PIGK: variants seen among roughly 807,000 people sequenced by gnomAD.
PIGK encodes GPI-anchor transamidase.
In PIGK, 42 loss-of-function variants were observed where a neutral mutation model predicts 50.6. The observed-to-expected ratio is 0.83, with a 90% CI of 0.65 to 1.07. The LOEUF is 1.07. PIGK is among the 50% of genes least tolerant of loss of function. The pLI is 0.00. For missense variants in PIGK, 448 were observed against 488.7 expected, an observed-to-expected ratio of 0.92 and a Z score of 0.78; for synonymous variants, 151 against 156.0, an observed-to-expected ratio of 0.97 and a Z score of 0.24.
At chr1:77,099,904 G>A (rs559758045) in intron 10 of PIGK, among the ~76,000 whole-genome samples, 194 of 152,174 alleles carry the variant, frequency 1.3e-3, no homozygotes, top group Non-Finnish European at 2.2e-3. Context: ...GGTGAAAAGC[G>A]TACATAAAAC....
rs558426481 is a variant in PIGK, at chr1:77,109,639, C to T, written c.1071+12636G>A. Among the ~76,000 whole-genome samples the T allele has an allele frequency of 2.1e-3, 322 of 152,208 alleles. 2 individuals carry two copies. The highest frequency in any genetic ancestry group is 7.5e-3 in the African/African-American group (310 of 41,536). On this transcript the variant is annotated intron_variant, in intron 10 of 10. Coordinates refer to ENST00000370812, the MANE Select transcript of PIGK (RefSeq NM_005482.3). ...AATAATAAGAGCTATTTATGACAAACCCACAGCCAATATCATACTGAATGG... is the reference window on the plus strand; with the variant it reads ...AATAATAAGAGCTATTTATGACAAATCCACAGCCAATATCATACTGAATGG...
At chr1:77,132,859 C>T (rs1168111066) in intron 9 of PIGK, among the ~76,000 whole-genome samples, 1 of 151,994 alleles carries the variant, frequency 6.6e-6, no homozygotes, top group Non-Finnish European at 1.5e-5. Flanking sequence ...TTAAACATGT[C>T]ATTCTATTGT....
chr1:77,182,014 C>T (rs1375225507), intron 3 of PIGK, among the ~76,000 whole-genome samples: 2 of 152,002 alleles, frequency 1.3e-5, no homozygotes, highest in Non-Finnish European at 1.5e-5. Flanking sequence ...TAGCATTCTT[C>T]GATACATGAT....
At position 77,129,380 on chromosome 1, in the gene PIGK, A is replaced by T. The variant is rs1421130070; in HGVS notation, c.987-7021T>A. 9 of 1,570,998 alleles carry T rather than the reference A, an allele frequency of 5.7e-6. No homozygotes were observed. In the East Asian group the frequency reaches 1.1e-4, roughly 20 times the overall value. On this transcript the variant is annotated intron_variant, in intron 9 of 10. Transcript: ENST00000370812. The stretch of plus-strand genomic sequence containing the variant: ...GTCGGTGGCCCAAAAAGAGTGCTGA[A>T]TTTTTGCTGCACATGCTTAAAAACA...
At chr1:77,109,280 A>T (rs1323746636) in intron 10 of PIGK, among the ~76,000 whole-genome samples, 1 of 152,216 alleles carries the variant, frequency 6.6e-6, no homozygotes, top group African/African-American at 2.4e-5. Flanking sequence ...TCATCCTGAT[A>T]CCAAAGCCTG....
chr1:77,110,993 G>C lies in PIGK; in HGVS notation c.1071+11282C>G, dbSNP rs12143330. ...AAAGAAGATATTTATGCAGCCAAAA[G>C]ACACATGAAAAAATGCTCATCATCA... On this transcript the variant is annotated intron_variant, in intron 10 of 10. Coordinates refer to ENST00000370812, the MANE Select transcript of PIGK (RefSeq NM_005482.3). 5.0e-4 allele frequency among the ~76,000 whole-genome samples: 76 copies of C among 152,014 alleles called. 1 individual carries two copies. Among genetic ancestry groups the C allele is most frequent in the African/African-American group, 1.7e-3 (69 of 41,494 alleles).
Position 77,130,262 on chromosome 1 carries a change from A to G in PIGK, c.987-7903T>C, listed in dbSNP as rs1654339739. Among the ~76,000 whole-genome samples, 5 of 76,768 alleles carry G rather than the reference A, an allele frequency of 6.5e-5. No homozygotes were observed. In the South Asian group the frequency reaches 2.6e-3, roughly 39 times the overall value. 50.4% of individuals were successfully genotyped at this position (76,768 alleles called of 152,430 possible). A position where few individuals can be genotyped will look rare whatever the true frequency, so the allele number is the denominator to read the frequency against. The stretch of plus-strand genomic sequence containing the variant: ...TGACAATCTTTTTCTATTAGCTGTG[A>G]TTTGGGTAGTGTGACACCTTTCCCT... On this transcript the variant is annotated intron_variant, in intron 9 of 10. Transcript: ENST00000370812.
intron 10 of PIGK, among the ~76,000 whole-genome samples, chr1:77,121,334 T>C (rs2134351): frequency 0.66 from 100,480 of 151,930 alleles, 33,922 homozygotes; most frequent in African/African-American, 0.81. Flanking sequence ...CCCAAAGGTG[T>C]AAATTTCTGA....
chr1:77,212,188 TTAAAA>T lies in PIGK; in HGVS notation c.94-1704_94-1700del, dbSNP rs1275581025. Among the ~76,000 whole-genome samples the T allele has an allele frequency of 3.9e-5, 6 of 152,190 alleles. No homozygotes were observed. In the East Asian group the frequency reaches 1.2e-3, roughly 29 times the overall value. On this transcript the variant is annotated intron_variant, in intron 1 of 10. Transcript: ENST00000370812. ...TAATGAACATGATTTTGATTATATATTAAAATAATAGTGGATATAAGCCATACTGA... is the reference window on the plus strand; with the variant it reads ...TAATGAACATGATTTTGATTATATATTAATAGTGGATATAAGCCATACTGA...
In PIGK at chr1:77,121,326, CAAAG is replaced by C. The variant is rs1395573373; in HGVS notation, c.1071+945_1071+948del. ...GATTACCAAGCACAGACGAGCTTCC[CAAAG>C]GTGTAAATTTCTGATCATTTTTTGT... On this transcript the variant is annotated intron_variant, in intron 10 of 10. Coordinates refer to ENST00000370812, the MANE Select transcript of PIGK (RefSeq NM_005482.3). 2.6e-5 allele frequency among the ~76,000 whole-genome samples: 4 copies of C among 152,154 alleles called. No homozygotes were observed. The East Asian group carries it at 7.7e-4, about 29-fold the overall frequency.
chr1:77,130,784 AGTT>A (rs1159330700), intron 9 of PIGK, among the ~76,000 whole-genome samples: 1 of 152,180 alleles, frequency 6.6e-6, no homozygotes, highest in Admixed American at 6.5e-5. Context: ...ATGTAGTAAT[AGTT>A]AAGAGAGCAT....
At chr1:77,115,452 T>C (rs1653939383) in intron 10 of PIGK, among the ~76,000 whole-genome samples, 1 of 151,952 alleles carries the variant, frequency 6.6e-6, no homozygotes, top group Non-Finnish European at 1.5e-5. Context: ...TTTTTTTTTT[T>C]AGCATCACAA....
At chr1:77,210,875 T>C (rs1004984344) in intron 1 of PIGK, among the ~76,000 whole-genome samples, 2 of 152,090 alleles carry the variant, frequency 1.3e-5, no homozygotes, top group Non-Finnish European at 2.9e-5. Context: ...GTGCAAGAGC[T>C]TCTGCTTTAA....
At chr1:77,191,354 T>C (rs1447455309) in intron 3 of PIGK, among the ~76,000 whole-genome samples, 1 of 152,224 alleles carries the variant, frequency 6.6e-6, no homozygotes, top group Admixed American at 6.5e-5. Context: ...AACAGAAATT[T>C]TACTTTTGTT....
At chr1:77,174,687 T>G (rs972298059) in intron 3 of PIGK, among the ~76,000 whole-genome samples, 2 of 152,148 alleles carry the variant, frequency 1.3e-5, no homozygotes, top group Non-Finnish European at 2.9e-5. Context: ...AAGACACCCA[T>G]GGGAGCTTGG....
chr1:77,118,188 G>C (rs1570195451), intron 10 of PIGK, among the ~76,000 whole-genome samples: 1 of 152,254 alleles, frequency 6.6e-6, no homozygotes, highest in Non-Finnish European at 1.5e-5. Context: ...ATATATGAAG[G>C]TGTTAATTCC....
intron 3 of PIGK, chr1:77,194,690 T>A: frequency 3.3e-6 from 1 of 299,080 alleles, no homozygotes; most frequent in Non-Finnish European, 6.4e-6. Flanking sequence ...TTAGGTACTA[T>A]GTTTATTATC....
At chr1:77,150,064 T>C (rs1316918582) in intron 9 of PIGK, among the ~76,000 whole-genome samples, 1 of 151,970 alleles carries the variant, frequency 6.6e-6, no homozygotes, top group African/African-American at 2.4e-5. Context: ...AAACACAACA[T>C]ATCAGAATAT....
At position 77,194,629 on chromosome 1, in the gene PIGK, C is replaced by T. The variant is rs975239814; in HGVS notation, c.239+12011G>A. ...AAGAGGGAAACAACAGACACCAGAA[C>T]CTATTTGTGGGTGGAGGGTGGGGGG... On this transcript the variant is annotated intron_variant, in intron 3 of 10. Transcript: ENST00000370812. 3.3e-5 allele frequency among the ~76,000 whole-genome samples: 4 copies of T among 120,552 alleles called. No individual in the cohort carries two copies. The East Asian group carries it at 9.7e-4, about 29-fold the overall frequency. The allele number at this position is 120,552 out of a possible 152,430, so 79.1% of individuals were successfully genotyped here.
Sources: allele counts gnomAD v4.1 joint callset (sites outside exome capture counted in the v4.1 genomes callset), GRCh38; gene constraint gnomAD v4.1.1; transcripts MANE v1.5; gene names NCBI Gene and HGNC (gene_info 2026-07-23, HGNC 2026-07-21).